Variants in SHANK2 observed in about 807,000 individuals in gnomAD.
SHANK2 encodes SH3 and multiple ankyrin repeat domains 2.
Under a neutral mutation model 133.7 loss-of-function variants are expected in SHANK2, and 43 were observed. That is an observed-to-expected ratio of 0.32 (90% CI 0.25 to 0.41). The LOEUF (loss-of-function observed/expected upper bound fraction) is 0.41. Ranked by LOEUF, SHANK2 falls within the 10% of genes least tolerant of loss-of-function variation. The pLI, the probability that SHANK2 is intolerant of heterozygous loss-of-function variation, is 1.00. For missense variants in SHANK2, 1,994 were observed against 2,235.8 expected (o/e 0.89, Z 2.18); for synonymous variants, 1,017 against 952.8 (o/e 1.07, Z -1.24).
At chr11:70,944,407 G>A (rs1433272781) in intron 10 of SHANK2, among the ~76,000 whole-genome samples, 1 of 152,194 alleles carries the variant, frequency 6.6e-6, no homozygotes, top group Non-Finnish European at 1.5e-5. Flanking sequence ...CCCTCTCTGG[G>A]TGAAGCTCCT....
intron 17 of SHANK2, among the ~76,000 whole-genome samples, chr11:70,654,772 G>GTTT (rs576038066): frequency 1.7e-5 from 2 of 119,666 alleles, no homozygotes; most frequent in East Asian, 2.4e-4. Context: ...TGTTTTTTTT[G>GTTT]TTTTTTTTTT....
intron 15 of SHANK2, among the ~76,000 whole-genome samples, chr11:70,689,913 C>T (rs998210096): frequency 3.9e-5 from 6 of 152,122 alleles, no homozygotes; most frequent in East Asian, 1.9e-4. Context: ...TGAGTAGAGA[C>T]GGGATGGTGA....
intron 2 of SHANK2, among the ~76,000 whole-genome samples, chr11:71,163,071 T>TAAAAAA (rs1159852026): frequency 4.4e-5 from 2 of 45,544 alleles, no homozygotes; most frequent in Non-Finnish European, 7.7e-5. Flanking sequence ...AGACTCTGTC[T>TAAAAAA]AAAAAAAAAA....
chr11:70,758,187 C>T (rs1343994609), intron 14 of SHANK2, among the ~76,000 whole-genome samples: 3 of 152,350 alleles, frequency 2.0e-5, no homozygotes, highest in Admixed American at 6.5e-5. Context: ...GGACAATGAT[C>T]GGGATGTAAA....
At chr11:70,755,067 C>T (rs1388223510) in intron 14 of SHANK2, among the ~76,000 whole-genome samples, 1 of 151,848 alleles carries the variant, frequency 6.6e-6, no homozygotes, top group African/African-American at 2.4e-5. Flanking sequence ...AAACCCTGTT[C>T]ATAATCTTTT....
intron 10 of SHANK2, among the ~76,000 whole-genome samples, chr11:70,944,376 C>T (rs549157720): frequency 6.6e-5 from 10 of 152,218 alleles, no homozygotes; most frequent in Non-Finnish European, 1.2e-4. Context: ...GAGTCCAGGT[C>T]TTCCTGTCCC....
chr11:70,515,434 A>G (rs948022084), intron 17 of SHANK2, among the ~76,000 whole-genome samples: 5 of 152,160 alleles, frequency 3.3e-5, no homozygotes, highest in East Asian at 1.9e-4. Flanking sequence ...TAATTTTATT[A>G]TCTTCTTCGA....
intron 6 of SHANK2, among the ~76,000 whole-genome samples, chr11:71,096,622 C>A (rs1253634525): frequency 6.6e-6 from 1 of 152,082 alleles, no homozygotes; most frequent in Non-Finnish European, 1.5e-5. Flanking sequence ...CTGGGGCTGT[C>A]GGGAGCCACC....
chr11:71,232,300 T>C (rs1165108733), intron 1 of SHANK2, among the ~76,000 whole-genome samples: 1 of 152,126 alleles, frequency 6.6e-6, no homozygotes, highest in African/African-American at 2.4e-5. Context: ...AGCATTTGAA[T>C]CTCGACCGCG....
chr11:71,138,158 A>G (rs1404569434), intron 3 of SHANK2, among the ~76,000 whole-genome samples: 1 of 63,064 alleles, frequency 1.6e-5, no homozygotes, highest in Non-Finnish European at 4.3e-5. Flanking sequence ...CTCTCTCACA[A>G]TGGGCGGGCG....
At chr11:70,553,780 T>C (rs1430959045) in intron 17 of SHANK2, among the ~76,000 whole-genome samples, 3 of 152,200 alleles carry the variant, frequency 2.0e-5, no homozygotes, top group East Asian at 1.9e-4. Flanking sequence ...CTGCGTGACA[T>C]AGGGTTGAAG....
chr11:70,949,976 C>A, intron 10 of SHANK2: 1 of 443,562 alleles, frequency 2.3e-6, no homozygotes, highest in South Asian at 1.6e-5. Context: ...CCGGTAGGTG[C>A]GGTGCCTGGG....
At position 70,487,026 on chromosome 11, in the gene SHANK2, A is replaced by ACGGTCG. The variant is rs1555154062; in HGVS notation, c.3261_3266dup (p.Asp1088_Arg1089dup). The stretch of plus-strand genomic sequence containing the variant: ...TCCTCCTGGCTTCCAGCCGCTTCTC[A>ACGGTCG]CGGTCGCGGACGGCTCCGGCGATGG... On this transcript the variant is annotated inframe_insertion, in exon 25 of 26. Transcript: ENST00000601538. The surrounding 1 kb of genome is among the most constrained non-coding windows in gnomAD (Gnocchi z 5.8). The ACGGTCG allele has an allele frequency of 6.2e-7, 1 of 1,609,146 alleles. No individual in the cohort carries two copies. The highest frequency in any genetic ancestry group is 1.7e-5 in the Admixed American group (1 of 59,998).
intron 17 of SHANK2, among the ~76,000 whole-genome samples, chr11:70,637,123 G>A (rs2061112870): frequency 6.6e-6 from 1 of 152,112 alleles, no homozygotes; most frequent in Admixed American, 6.5e-5. Context: ...GCACGTGTGT[G>A]GGTGCCTGTG....
intron 10 of SHANK2, among the ~76,000 whole-genome samples, chr11:70,900,652 C>T (rs1278825980): frequency 6.6e-6 from 1 of 152,176 alleles, no homozygotes; most frequent in Non-Finnish European, 1.5e-5. Flanking sequence ...ACTCACAGTG[C>T]AAATGAGAAC....
chr11:70,511,182 C>T (rs2059200618), intron 17 of SHANK2, among the ~76,000 whole-genome samples: 1 of 152,192 alleles, frequency 6.6e-6, no homozygotes, highest in South Asian at 2.1e-4. Context: ...GGCAAAGGCA[C>T]ATGGCTGGCA....
chr11:71,065,015 CT>C (rs1951030983), intron 9 of SHANK2, among the ~76,000 whole-genome samples: 2 of 152,206 alleles, frequency 1.3e-5, no homozygotes, highest in Admixed American at 1.3e-4. Context: ...AGGAGGGAAT[CT>C]GGGTAACAGG....
At chr11:70,942,127 C>T (rs980440971) in intron 10 of SHANK2, among the ~76,000 whole-genome samples, 3 of 151,856 alleles carry the variant, frequency 2.0e-5, no homozygotes, top group African/African-American at 4.8e-5. Flanking sequence ...GCGGAGGTTG[C>T]GGTGAACTGA....
At chr11:70,851,142 T>C (rs901171972) in intron 11 of SHANK2, among the ~76,000 whole-genome samples, 33 of 152,160 alleles carry the variant, frequency 2.2e-4, no homozygotes, top group African/African-American at 8.0e-4. Flanking sequence ...TTCCACTTCA[T>C]GGAGCCCTTA....
Sources: gnomAD v4.1 joint callset for allele counts (sites outside exome capture counted in the v4.1 genomes callset) on GRCh38, gnomAD v4.1.1 for gene constraint, Gnocchi (gnomAD v3.1) non-coding constraint, MANE v1.5 for transcripts, NCBI Gene and HGNC (gene_info 2026-07-23, HGNC 2026-07-21) for gene names.